Variants in ATP8A2 observed in about 807,000 individuals in gnomAD.
ATP8A2 encodes ATPase phospholipid transporting 8A2, also known as phospholipid-transporting ATPase IB.
Under a neutral mutation model 165.6 loss-of-function variants are expected in ATP8A2, and 100 were observed. That is an observed-to-expected ratio of 0.60 (90% CI 0.51 to 0.71). ATP8A2 has a LOEUF of 0.71. Ranked by LOEUF, ATP8A2 falls within the 30% of genes least tolerant of loss-of-function variation. ATP8A2 has a pLI of 0.00. For synonymous variants in ATP8A2, 543 were observed against 548.8 expected (o/e 0.99, Z 0.15); for missense variants, 1,227 against 1,479.5 (o/e 0.83, Z 2.80).
At position 25,738,386 on chromosome 13, in the gene ATP8A2, T is replaced by A. The variant is rs1442581491; in HGVS notation, c.2385-30660T>A. ...TCTTCTGGTAGTTGCTGTAGTTTAA[T>A]CTTTAAGAAGGTTGCAGGGGTTTGG... On this transcript the variant is annotated intron_variant, in intron 25 of 36. Transcript: ENST00000381655. Among the ~76,000 whole-genome samples, 4 of 147,188 alleles carry A rather than the reference T, an allele frequency of 2.7e-5. No individual in the cohort carries two copies. The East Asian group carries it at 8.5e-4, about 31-fold the overall frequency.
intron 35 of ATP8A2, among the ~76,000 whole-genome samples, chr13:25,980,062 T>C (rs1055020484): frequency 6.6e-6 from 1 of 152,142 alleles, no homozygotes. Flanking sequence ...CGGACAGTCA[T>C]GCAAAAATGT....
At chr13:25,620,679 C>T (rs2040945253) in intron 24 of ATP8A2, among the ~76,000 whole-genome samples, 1 of 152,100 alleles carries the variant, frequency 6.6e-6, no homozygotes, top group South Asian at 2.1e-4. Context: ...TAAAAATCCT[C>T]ATATTACCTT....
intron 25 of ATP8A2, among the ~76,000 whole-genome samples, chr13:25,716,258 T>A (rs997713396): frequency 1.3e-5 from 2 of 152,162 alleles, no homozygotes; most frequent in African/African-American, 2.4e-5. Context: ...TTGCAAAAAA[T>A]TTTTTCTAAT....
At chr13:25,903,395 A>G (rs1426505574) in intron 33 of ATP8A2, among the ~76,000 whole-genome samples, 1 of 151,466 alleles carries the variant, frequency 6.6e-6, no homozygotes, top group African/African-American at 2.4e-5. Flanking sequence ...CTCACATGTC[A>G]CTTCCCACTA....
At chr13:25,979,163 G>A (rs1367941992) in intron 35 of ATP8A2, among the ~76,000 whole-genome samples, 1 of 152,122 alleles carries the variant, frequency 6.6e-6, no homozygotes, top group East Asian at 1.9e-4. Flanking sequence ...GTTAGGTCAC[G>A]GGTGAATGAC....
At chr13:25,449,977 C>T (rs1240225194) in intron 1 of ATP8A2, among the ~76,000 whole-genome samples, 1 of 152,130 alleles carries the variant, frequency 6.6e-6, no homozygotes, top group Non-Finnish European at 1.5e-5. Flanking sequence ...TGTCTCTCCT[C>T]CCACCCTCCA....
At chr13:25,630,428 A>T (rs1304188635) in intron 24 of ATP8A2, among the ~76,000 whole-genome samples, 4 of 152,120 alleles carry the variant, frequency 2.6e-5, no homozygotes, top group Non-Finnish European at 4.4e-5. Context: ...GACAGCATTT[A>T]TTTGTTGTGA....
chr13:25,447,167 C>A (rs765810599), intron 1 of ATP8A2, among the ~76,000 whole-genome samples: 4 of 152,052 alleles, frequency 2.6e-5, no homozygotes, highest in Non-Finnish European at 5.9e-5. Flanking sequence ...AGTAAAATAG[C>A]AGAGATATTT....
intron 2 of ATP8A2, among the ~76,000 whole-genome samples, chr13:25,516,174 CG>C (rs1566208952): frequency 6.6e-6 from 1 of 152,166 alleles, no homozygotes; most frequent in East Asian, 1.9e-4. Flanking sequence ...TTGACCACTT[CG>C]GTTTAGCTTT....
rs779448278 is a variant in ATP8A2, at chr13:25,581,846, A to G, written c.2035A>G (p.Ile679Val). Residue 679 changes from isoleucine (I) to valine (V), a missense_variant, in exon 23 of 37, where the codon ATA becomes GTA. Around this residue, in one of 5 missense-constraint regions of ATP8A2, gnomAD observed 592 missense variants for 785.6 expected, o/e 0.75. Transcript: ENST00000381655. ...TTTGCTGCTACTTGGAGCCACAGCC[A>G]TAGAAGATCGCCTTCAAGCAGGAGT... is the stretch of plus-strand genomic sequence containing the variant. The part of the protein sequence containing the change: ...KNLLLLGATA[I>V]EDRLQAGVPE... 5 of 1,614,144 alleles carry G rather than the reference A, an allele frequency of 3.1e-6. No individual in the cohort carries two copies. Among genetic ancestry groups the G allele is most frequent in the South Asian group, 1.1e-5 (1 of 91,056 alleles).
chr13:25,718,344 T>C (rs747237532), intron 25 of ATP8A2, among the ~76,000 whole-genome samples: 35 of 152,154 alleles, frequency 2.3e-4, no homozygotes, highest in Non-Finnish European at 5.1e-4. Flanking sequence ...TCAGAAAAAA[T>C]TTAAATGACA....
chr13:25,766,798 G>A lies in ATP8A2; in HGVS notation c.2385-2248G>A, dbSNP rs577143095. Among the ~76,000 whole-genome samples, 7 of 152,304 alleles carry A rather than the reference G, an allele frequency of 4.6e-5. No homozygotes were observed. In the South Asian group the frequency reaches 1.2e-3, roughly 27 times the overall value. On this transcript the variant is annotated intron_variant, in intron 25 of 36. Coordinates refer to ENST00000381655, the MANE Select transcript of ATP8A2 (RefSeq NM_016529.6). ...AGTCTGATGGCATGCATTACTCAGA[G>A]GTGTCCAGTCTTGTTTTGTTTTTCC...
At chr13:25,468,773 C>CG (rs1287937166) in intron 1 of ATP8A2, 44 of 935,214 alleles carry the variant, frequency 4.7e-5, no homozygotes, top group Non-Finnish European at 5.6e-5. Context: ...TGGGCGTGGG[C>CG]GGGGCCGGGG....
chr13:25,636,386 T>C (rs1007675062), intron 24 of ATP8A2, among the ~76,000 whole-genome samples: 1 of 152,332 alleles, frequency 6.6e-6, no homozygotes, highest in Admixed American at 6.5e-5. Context: ...TTAAGTGTTT[T>C]ATATGCATGG....
rs369840112 is a variant in ATP8A2, at chr13:25,721,904, A to T, written c.2384+22559A>T. On this transcript the variant is annotated intron_variant, in intron 25 of 36. Transcript: ENST00000381655. ...TCTATGATAAATAATGCTGCTATGA[A>T]CACGCATGTACAAGTTTTTGCAAGG... 3.3e-5 allele frequency among the ~76,000 whole-genome samples: 5 copies of T among 152,326 alleles called. No homozygotes were observed. In the East Asian group the frequency reaches 7.7e-4, roughly 24 times the overall value.
At chr13:25,465,052 T>A (rs1348130028) in intron 1 of ATP8A2, among the ~76,000 whole-genome samples, 1 of 152,216 alleles carries the variant, frequency 6.6e-6, no homozygotes, top group Non-Finnish European at 1.5e-5. Context: ...AATAGATATT[T>A]ATTGAACTCC....
chr13:25,923,801 A>G (rs917345324), intron 33 of ATP8A2, among the ~76,000 whole-genome samples: 2 of 152,158 alleles, frequency 1.3e-5, no homozygotes, highest in African/African-American at 4.8e-5. Flanking sequence ...TTCTGTAGAC[A>G]TGGGGTTTAA....
At chr13:25,850,722 A>C (rs1303551264) in intron 30 of ATP8A2, among the ~76,000 whole-genome samples, 1 of 152,216 alleles carries the variant, frequency 6.6e-6, no homozygotes, top group Non-Finnish European at 1.5e-5. Context: ...GATTTCACTC[A>C]GTGGGAAGGA....
chr13:25,644,456 C>T (rs1026134532), intron 24 of ATP8A2, among the ~76,000 whole-genome samples: 10 of 151,478 alleles, frequency 6.6e-5, no homozygotes, highest in Admixed American at 2.6e-4. Context: ...GTGGCAAATT[C>T]AATTTGCTGT....
Sources: gnomAD v4.1 joint callset for allele counts (sites outside exome capture counted in the v4.1 genomes callset) on GRCh38, gnomAD v4.1.1 for gene constraint, gnomAD v4.1.1 regional missense constraint, MANE v1.5 for transcripts, NCBI Gene and HGNC (gene_info 2026-07-23, HGNC 2026-07-21) for gene names.